KANSL1: variants seen among roughly 807,000 people sequenced by gnomAD.
KANSL1 encodes KAT8 regulatory NSL complex subunit 1.
Under a neutral mutation model 103.6 loss-of-function variants are expected in KANSL1, and 22 were observed. The ratio of observed to expected loss-of-function variants is 0.21; its 90% confidence interval spans 0.15 to 0.30. The LOEUF is 0.30. Ranked by LOEUF, KANSL1 falls within the 10% of genes least tolerant of loss-of-function variation. KANSL1 has a pLI of 1.00. For synonymous variants in KANSL1, 600 were observed against 527.6 expected, an observed-to-expected ratio of 1.14 and a Z score of -1.88; for missense variants, 1,337 against 1,399.8, an observed-to-expected ratio of 0.96 and a Z score of 0.72.
At chr17:46,178,978 A>AAATATAC in intron 1 of KANSL1, among the ~76,000 whole-genome samples, 1 of 152,340 alleles carries the variant, frequency 6.6e-6, no homozygotes, top group South Asian at 2.1e-4. Flanking sequence ...TGGGAAGCAA[A>AAATATAC]AATATACTTC....
At chr17:46,178,383 C>T (rs531356418) in intron 1 of KANSL1, among the ~76,000 whole-genome samples, 23 of 152,346 alleles carry the variant, frequency 1.5e-4, no homozygotes, top group African/African-American at 4.8e-4. Flanking sequence ...AGAATTAGGG[C>T]TGAGATTATA....
At position 46,159,520 on chromosome 17, in the gene KANSL1, T is replaced by C. The variant is rs1017382995; in HGVS notation, c.1289+11335A>G. Among the ~76,000 whole-genome samples the C allele has an allele frequency of 2.6e-5, 4 of 152,208 alleles. No homozygotes were observed. In the East Asian group the frequency reaches 5.8e-4, roughly 22 times the overall value. On this transcript the variant is annotated intron_variant, in intron 2 of 14. Coordinates refer to ENST00000432791, the MANE Select transcript of KANSL1 (RefSeq NM_015443.4). ...TGAAATGACACAAATACAGACTAAG[T>C]AGATGAAAACCAATCAGGATAGTCC...
intron 2 of KANSL1, among the ~76,000 whole-genome samples, chr17:46,145,400 T>C (rs920226299): frequency 2.0e-5 from 3 of 152,250 alleles, no homozygotes; most frequent in Non-Finnish European, 2.9e-5. Context: ...CTTAACCAAT[T>C]TGATAATTTA....
chr17:46,052,938 TG>T, intron 6 of KANSL1, among the ~76,000 whole-genome samples: 2 of 111,266 alleles, frequency 1.8e-5, no homozygotes, highest in East Asian at 5.1e-4. Flanking sequence ...CACTGCAGCC[TG>T]GGAAAAAGAG....
intron 4 of KANSL1, among the ~76,000 whole-genome samples, chr17:46,069,638 G>A (rs550463765): frequency 3.3e-5 from 5 of 152,102 alleles, no homozygotes; most frequent in African/African-American, 4.8e-5. Context: ...CAGCTCCTCC[G>A]GGAGGCTGAG....
chr17:46,056,828 C>A (rs1039728530), intron 6 of KANSL1, among the ~76,000 whole-genome samples: 1 of 152,210 alleles, frequency 6.6e-6, no homozygotes, highest in African/African-American at 2.4e-5. Flanking sequence ...CGCATGATTT[C>A]TCAACAGCTG....
intron 3 of KANSL1, chr17:46,093,174 T>C (rs150586497): frequency 4.6e-5 from 7 of 152,340 alleles, no homozygotes; most frequent in African/African-American, 1.4e-4. Context: ...GTGTCTCTGA[T>C]AGAGAAAGAC....
chr17:46,086,821 G>A (rs2079181884), intron 3 of KANSL1, among the ~76,000 whole-genome samples: 1 of 152,158 alleles, frequency 6.6e-6, no homozygotes, highest in South Asian at 2.1e-4. Context: ...TTAGCCTGGT[G>A]TAATATCACA....
intron 6 of KANSL1, among the ~76,000 whole-genome samples, chr17:46,059,541 T>C (rs2146577742): frequency 6.7e-6 from 1 of 148,446 alleles, no homozygotes; most frequent in East Asian, 2.0e-4. Context: ...GAGAATCATA[T>C]GAACCCGGGA....
intron 2 of KANSL1, 69 bp downstream of exon 2, chr17:46,170,786 T>A: frequency 6.9e-7 from 1 of 1,445,434 alleles, no homozygotes. Flanking sequence ...CTCTCCATAA[T>A]GGCGATTCAT....
At chr17:46,040,063 C>T in intron 7 of KANSL1, 179 bp from the exon 8 acceptor site, 4 of 519,462 alleles carry the variant, frequency 7.7e-6, no homozygotes, top group Non-Finnish European at 1.0e-5. Flanking sequence ...TATTTGCAAG[C>T]AGGTCACTTT....
chr17:46,182,819 C>T (rs2046852107), intron 1 of KANSL1, among the ~76,000 whole-genome samples: 1 of 152,204 alleles, frequency 6.6e-6, no homozygotes, highest in Non-Finnish European at 1.5e-5. Context: ...AAAGCCGATG[C>T]TTTTAACTAC....
chr17:46,095,463 A>C (rs1318716341), intron 2 of KANSL1, among the ~76,000 whole-genome samples: 1 of 152,240 alleles, frequency 6.6e-6, no homozygotes, highest in East Asian at 1.9e-4. Context: ...TAGATACATA[A>C]AAGATAACGG....
At chr17:46,154,954 G>A (rs1023749455) in intron 2 of KANSL1, among the ~76,000 whole-genome samples, 105 of 152,108 alleles carry the variant, frequency 6.9e-4, no homozygotes, top group Non-Finnish European at 1.3e-3. Context: ...AAGCCACCAC[G>A]AGCAGCCTAA....
chr17:46,067,180 G>GT (rs1242415269), intron 5 of KANSL1, among the ~76,000 whole-genome samples: 3 of 152,234 alleles, frequency 2.0e-5, no homozygotes, highest in Non-Finnish European at 4.4e-5. Context: ...TGAATCTTTT[G>GT]TTTTCTCCCT....
At chr17:46,104,134 T>C (rs148337263) in intron 2 of KANSL1, among the ~76,000 whole-genome samples, 192 of 152,342 alleles carry the variant, frequency 1.3e-3, no homozygotes, top group African/African-American at 4.4e-3. Flanking sequence ...ATGTTTAAGA[T>C]TGAGATATGT....
chr17:46,077,004 C>A (rs1281288161), intron 4 of KANSL1, among the ~76,000 whole-genome samples: 1 of 152,150 alleles, frequency 6.6e-6, no homozygotes, highest in Non-Finnish European at 1.5e-5. Flanking sequence ...AATTTCCATG[C>A]CTTTAATTGC....
intron 2 of KANSL1, among the ~76,000 whole-genome samples, chr17:46,114,130 T>A (rs1417986683): frequency 2.0e-5 from 3 of 152,054 alleles, no homozygotes; most frequent in Non-Finnish European, 4.4e-5. Context: ...GGAGGCCGAG[T>A]AGGGCAGATC....
At chr17:46,071,696 A>G (rs1598542166) in intron 4 of KANSL1, among the ~76,000 whole-genome samples, 1 of 152,370 alleles carries the variant, frequency 6.6e-6, no homozygotes. Flanking sequence ...CATGACTGAG[A>G]TATCTGCTAT....
Sources: gnomAD v4.1 joint callset for allele counts (sites outside exome capture counted in the v4.1 genomes callset) on GRCh38, gnomAD v4.1.1 for gene constraint, MANE v1.5 for transcripts, NCBI Gene and HGNC (gene_info 2026-07-23, HGNC 2026-07-21) for gene names.